The following PRKG1 variants were observed in gnomAD, a reference collection of about 807,000 sequenced individuals.
PRKG1 encodes the protein protein kinase cGMP-dependent 1, also known as cGMP-dependent protein kinase 1.
Under a neutral mutation model 88.1 loss-of-function variants are expected in PRKG1, and 35 were observed. That is an observed-to-expected ratio of 0.40 (90% CI 0.30 to 0.53). The LOEUF (loss-of-function observed/expected upper bound fraction) is 0.53. PRKG1 is among the 20% of genes least tolerant of loss of function. PRKG1 has a pLI of 0.59. For missense variants in PRKG1, 540 were observed against 839.8 expected, an observed-to-expected ratio of 0.64 and a Z score of 4.41; for synonymous variants, 303 against 292.5, an observed-to-expected ratio of 1.04 and a Z score of -0.37.
chr10:51,044,289 T>A (rs1461418167), intron 1 of PRKG1, among the ~76,000 whole-genome samples: 2 of 152,124 alleles, frequency 1.3e-5, no homozygotes, highest in African/African-American at 4.8e-5. Flanking sequence ...GTGAAGGCCA[T>A]GGGGATGAGG....
chr10:51,036,357 T>A (rs1478871853), intron 1 of PRKG1, among the ~76,000 whole-genome samples: 1 of 152,126 alleles, frequency 6.6e-6, no homozygotes, highest in Admixed American at 6.6e-5. Context: ...CATAGGATAA[T>A]GCTAAAAAAC....
chr10:52,208,005 C>T (rs775202461), intron 9 of PRKG1, among the ~76,000 whole-genome samples: 5 of 151,980 alleles, frequency 3.3e-5, no homozygotes, highest in Non-Finnish European at 7.4e-5. Flanking sequence ...TCCTATTTTC[C>T]AGGTGAGGAA....
intron 2 of PRKG1, among the ~76,000 whole-genome samples, chr10:51,203,167 C>G (rs1467432005): frequency 1.3e-5 from 2 of 151,976 alleles, no homozygotes; most frequent in African/African-American, 4.8e-5. Context: ...AATGCCTTCC[C>G]CAAAGTGGAA....
intron 4 of PRKG1, among the ~76,000 whole-genome samples, chr10:51,892,660 G>A (rs1016159688): frequency 3.9e-5 from 6 of 152,210 alleles, no homozygotes; most frequent in South Asian, 2.1e-4. Context: ...CCCAAAGGGC[G>A]TTTGCTTGTC....
intron 3 of PRKG1, among the ~76,000 whole-genome samples, chr10:51,474,099 CTG>C (rs1840127138): frequency 1.3e-5 from 2 of 152,062 alleles, no homozygotes; most frequent in East Asian, 3.9e-4. Context: ...CATTTGAAGA[CTG>C]TGAACAACAC....
rs112028655 is a variant in PRKG1, at chr10:52,069,540, A to G, written c.935+6909A>G. Reference sequence around the variant, plus strand: ...GTGAGACTCCATCTCAAAAACAAAAAAGAAAAGATAAAACAATAAAATTAT... The same window carrying G: ...GTGAGACTCCATCTCAAAAACAAAAGAGAAAAGATAAAACAATAAAATTAT... On this transcript the variant is annotated intron_variant, in intron 7 of 17. Coordinates refer to ENST00000373980, the MANE Select transcript of PRKG1 (RefSeq NM_006258.4). Among the ~76,000 whole-genome samples, 1,412 of 152,326 alleles carry G rather than the reference A, an allele frequency of 9.3e-3. 24 individuals carry two copies. Among genetic ancestry groups the G allele is most frequent in the African/African-American group, 0.031 (1,304 of 41,558 alleles).
intron 5 of PRKG1, among the ~76,000 whole-genome samples, chr10:51,979,840 G>A (rs922521018): frequency 4.0e-5 from 6 of 151,648 alleles, no homozygotes; most frequent in African/African-American, 1.5e-4. Context: ...GAAATATCCT[G>A]TTTGTCATTT....
chr10:52,123,783 C>T (rs186162720), intron 7 of PRKG1, among the ~76,000 whole-genome samples: 15 of 152,030 alleles, frequency 9.9e-5, no homozygotes, highest in African/African-American at 3.6e-4. Flanking sequence ...AGTTTAAGCT[C>T]TCTAACTAAT....
Position 52,101,325 on chromosome 10 carries a change from C to T in PRKG1, c.936-32515C>T, listed in dbSNP as rs150529300. Among the ~76,000 whole-genome samples the T allele has an allele frequency of 1.7e-3, 251 of 151,716 alleles. 3 individuals carry two copies. Among genetic ancestry groups the T allele is most frequent in the Admixed American group, 9.6e-3 (146 of 15,154 alleles). On this transcript the variant is annotated intron_variant, in intron 7 of 17. Coordinates refer to ENST00000373980, the MANE Select transcript of PRKG1 (RefSeq NM_006258.4). ...TACAGCCTAAAAATATTAAGGAATA[C>T]GAATTTGACATAATTTTACCATAAC...
intron 3 of PRKG1, among the ~76,000 whole-genome samples, chr10:51,602,767 T>A (rs1385985656): frequency 2.2e-5 from 3 of 133,554 alleles, no homozygotes; most frequent in South Asian, 4.3e-4. Flanking sequence ...TGTGTGTGTG[T>A]GTGTGTGTGT....
intron 3 of PRKG1, among the ~76,000 whole-genome samples, chr10:51,795,578 T>A (rs770765344): frequency 1.1e-4 from 17 of 152,124 alleles, no homozygotes; most frequent in Non-Finnish European, 1.9e-4. Flanking sequence ...GCCTTAATAA[T>A]GTTGGGAAGC....
intron 4 of PRKG1, among the ~76,000 whole-genome samples, chr10:51,870,072 AT>A (rs1455739738): frequency 6.6e-6 from 1 of 152,118 alleles, no homozygotes; most frequent in Non-Finnish European, 1.5e-5. Flanking sequence ...CCAACAAACT[AT>A]TTTCCAAGTT....
intron 2 of PRKG1, among the ~76,000 whole-genome samples, chr10:51,307,011 G>A (rs575732755): frequency 8.5e-5 from 13 of 152,212 alleles, no homozygotes; most frequent in Admixed American, 7.9e-4. Context: ...TGAAAATGGG[G>A]AGCAGACTGT....
chr10:51,514,307 T>A (rs1841511845), intron 3 of PRKG1, among the ~76,000 whole-genome samples: 1 of 152,188 alleles, frequency 6.6e-6, no homozygotes, highest in Admixed American at 6.5e-5. Context: ...TTTGTCTGGG[T>A]CGTGGTTATA....
At chr10:51,743,107 G>A (rs1281070143) in intron 3 of PRKG1, among the ~76,000 whole-genome samples, 2 of 152,038 alleles carry the variant, frequency 1.3e-5, no homozygotes, top group African/African-American at 4.8e-5. Flanking sequence ...TCTTTCTCCG[G>A]GAAAACCACG....
chr10:52,036,082 T>C (rs541562219), intron 5 of PRKG1, among the ~76,000 whole-genome samples: 46 of 152,122 alleles, frequency 3.0e-4, no homozygotes, highest in African/African-American at 1.1e-3. Context: ...AGGTAACAGA[T>C]GAGGAAGAAA....
At chr10:51,961,558 A>G (rs1317253488) in intron 5 of PRKG1, among the ~76,000 whole-genome samples, 1 of 152,234 alleles carries the variant, frequency 6.6e-6, no homozygotes, top group African/African-American at 2.4e-5. Context: ...CCAGAAAGGT[A>G]CACAGTAGAG....
intron 3 of PRKG1, among the ~76,000 whole-genome samples, chr10:51,581,320 A>T (rs528106370): frequency 3.1e-4 from 47 of 152,274 alleles, no homozygotes; most frequent in African/African-American, 9.4e-4. Flanking sequence ...TTGCAGCAAA[A>T]GCTGGTTACA....
chr10:51,844,657 GT>G (rs1469140525), intron 4 of PRKG1, among the ~76,000 whole-genome samples: 2 of 152,126 alleles, frequency 1.3e-5, no homozygotes, highest in Non-Finnish European at 2.9e-5. Context: ...AATAGATGTG[GT>G]TTACTAACAG....
Sources: allele counts gnomAD v4.1 joint callset (sites outside exome capture counted in the v4.1 genomes callset), GRCh38; gene constraint gnomAD v4.1.1; transcripts MANE v1.5; gene names NCBI Gene and HGNC (gene_info 2026-07-23, HGNC 2026-07-21).